Variants in COL6A2 observed in about 807,000 individuals in gnomAD.
COL6A2 encodes collagen alpha-2(VI) chain.
COL6A2 carries 90 observed loss-of-function variants against 124.9 expected under a neutral mutation model. The observed-to-expected ratio is 0.72, with a 90% CI of 0.61 to 0.86. The LOEUF (loss-of-function observed/expected upper bound fraction) is 0.86, where lower values mean the gene tolerates loss of function less well. Among genes scored for constraint, COL6A2 ranks in the 40% least tolerant of loss-of-function variants. The pLI is 0.00. For synonymous variants in COL6A2, 793 were observed against 618.2 expected, an observed-to-expected ratio of 1.28 and a Z score of -4.19; for missense variants, 1,607 against 1,502.5, an observed-to-expected ratio of 1.07 and a Z score of -1.15.
chr21:46,117,312 C>T (rs988283033), intron 10 of COL6A2, 88 bp from the exon 11 acceptor site: 94 of 1,340,274 alleles, frequency 7.0e-5, no homozygotes, highest in Non-Finnish European at 9.8e-5. Context: ...CCCTGCGGGG[C>T]AGAACCGGGT....
At chr21:46,103,690 C>T (rs892672946) in intron 1 of COL6A2, among the ~76,000 whole-genome samples, 15 of 152,134 alleles carry the variant, frequency 9.9e-5, no homozygotes, top group South Asian at 4.1e-4. Flanking sequence ...TGTTTAATTT[C>T]GTGATTTTTT....
rs1261426511 is a variant in COL6A2 at position 46,132,724 on chromosome 21, C to T, written c.*172C>T. The T allele has an allele frequency of 1.9e-5, 13 of 670,596 alleles. No individual in the cohort carries two copies. The highest frequency in any genetic ancestry group is 7.8e-5 in the Admixed American group (3 of 38,464). The allele number at this position is 670,596 out of a possible 1,614,324, so 41.5% of individuals were successfully genotyped here. A position where few individuals can be genotyped will look rare whatever the true frequency, so the allele number is the denominator to read the frequency against. ...CGTAGCCCCGGCCCCCGCCCAGCCCCAGGTCTCCCCAGGCCCTCCGCAGGC... is the reference window on the plus strand; with the variant it reads ...CGTAGCCCCGGCCCCCGCCCAGCCCTAGGTCTCCCCAGGCCCTCCGCAGGC... On this transcript the variant is annotated 3_prime_UTR_variant, in exon 28 of 28. Coordinates refer to ENST00000300527, the MANE Select transcript of COL6A2 (RefSeq NM_001849.4).
chr21:46,116,674 C>T lies in COL6A2; in HGVS notation c.951C>T (p.Arg317=), dbSNP rs369190399. Residue 317 remains arginine, a synonymous_variant, in exon 9 of 28, where the codon CGC becomes CGT. Coordinates refer to ENST00000300527, the MANE Select transcript of COL6A2 (RefSeq NM_001849.4). The surrounding 1 kb of genome is among the most constrained non-coding windows in gnomAD (Gnocchi z 4.6). ...GEKGEFGADG[R]KGAPGLAGKN... ...AGGGTGAATTTGGAGCCGACGGTCG[C>T]AAGGTAGGCTGGCTGGGTAGGCAGA... 5.0e-6 allele frequency: 8 copies of T among 1,612,970 alleles called. No individual in the cohort carries two copies. In the East Asian group the frequency reaches 6.7e-5, roughly 13 times the overall value.
At chr21:46,118,491 G>A in intron 12 of COL6A2, 123 bp from the exon 13 acceptor site, 3 of 869,932 alleles carry the variant, frequency 3.4e-6, no homozygotes, top group Admixed American at 2.0e-5. Flanking sequence ...CATCCCAGGT[G>A]CCCCGTGGAC....
Position 46,115,925 on chromosome 21 carries a change from G to A in COL6A2, c.855G>A (p.Gln285=), listed in dbSNP as rs1252549456. Residue 285 remains glutamine (Q), a splice_region_variant and synonymous_variant, in exon 6 of 28, where the codon CAG becomes CAA. Transcript: ENST00000300527. ...GAGAGCCTGGCCAGAAGGGAAGACA[G>A]GTGAGTGTCCTTGCCCCACGCCCGC... is the stretch of plus-strand genomic sequence containing the variant. The part of the protein sequence containing the change: ...EPGEPGQKGR[Q]GDPGIEGPIG... 2 of 1,612,924 alleles carry A rather than the reference G, an allele frequency of 1.2e-6. No homozygotes were observed. The highest frequency in any genetic ancestry group is 1.7e-6 in the Non-Finnish European group (2 of 1,180,000).
intron 1 of COL6A2, among the ~76,000 whole-genome samples, chr21:46,106,781 C>T (rs938569736): frequency 1.3e-5 from 2 of 152,160 alleles, no homozygotes; most frequent in Admixed American, 6.5e-5. Flanking sequence ...GTTCCAGCAC[C>T]AAAACCAAAA....
chr21:46,119,602 G>T (rs1248576751), intron 14 of COL6A2, among the ~76,000 whole-genome samples, 186 bp from the exon 15 acceptor site: 1 of 152,208 alleles, frequency 6.6e-6, no homozygotes, highest in African/African-American at 2.4e-5. Context: ...AGGGACGAGG[G>T]CTGGCAGCAG....
chr21:46,127,101 G>A (rs2078682828), intron 27 of COL6A2, among the ~76,000 whole-genome samples: 1 of 152,166 alleles, frequency 6.6e-6, no homozygotes, highest in African/African-American at 2.4e-5. Flanking sequence ...AGGCTCTGCT[G>A]GACGTGGTGC....
rs1414442802 is a variant in COL6A2 at position 46,120,504 on chromosome 21, C to T, written c.1333-11C>T. The stretch of plus-strand genomic sequence containing the variant: ...GCTGAGACCCGTGGGGCCTCCCTTC[C>T]CTTCCCACAGGGGGACCCTGGCCCT... On this transcript the variant is annotated splice_polypyrimidine_tract_variant and intron_variant, in intron 15 of 27. Coordinates refer to ENST00000300527, the MANE Select transcript of COL6A2 (RefSeq NM_001849.4). 1 of 1,522,088 alleles carries T rather than the reference C, an allele frequency of 6.6e-7. No homozygotes were observed. Among genetic ancestry groups the T allele is most frequent in the Non-Finnish European group, 8.8e-7 (1 of 1,136,186 alleles). 94.3% of individuals were successfully genotyped at this position (1,522,088 alleles called of 1,614,324 possible).
chr21:46,108,752 A>T (rs1393293609), intron 1 of COL6A2, among the ~76,000 whole-genome samples: 1 of 152,172 alleles, frequency 6.6e-6, no homozygotes, highest in African/African-American at 2.4e-5. Context: ...GGTCCTTAAT[A>T]TGCTATTGGA....
At chr21:46,101,376 GA>G (rs1293956252) in intron 1 of COL6A2, among the ~76,000 whole-genome samples, 1 of 152,088 alleles carries the variant, frequency 6.6e-6, no homozygotes, top group Non-Finnish European at 1.5e-5. Context: ...CTCTGTTAAT[GA>G]TGTCCTTTCA....
At position 46,111,409 on chromosome 21, in the gene COL6A2, A is replaced by C. The variant is rs563691311; in HGVS notation, c.-27-41A>C. 2.1e-5 allele frequency: 24 copies of C among 1,159,020 alleles called. No individual in the cohort carries two copies. In the East Asian group the frequency reaches 5.5e-4, roughly 27 times the overall value. 71.8% of individuals were successfully genotyped at this position (1,159,020 alleles called of 1,614,324 possible). On this transcript the variant is annotated intron_variant, in intron 1 of 27. Transcript: ENST00000300527. ...GCCATGGGGGAGGGTGCCAGGGGAG[A>C]GGCACTGGGGGTGTCTGAGCGACCC...
chr21:46,130,305 G>A (rs192018612), intron 27 of COL6A2, among the ~76,000 whole-genome samples: 2 of 152,366 alleles, frequency 1.3e-5, no homozygotes, highest in Non-Finnish European at 2.9e-5. Context: ...GGTCCTCAGA[G>A]GACTGAGCAG....
In COL6A2 at chr21:46,106,216, C is replaced by G. The variant is rs538918593; in HGVS notation, c.-27-5234C>G. On this transcript the variant is annotated intron_variant, in intron 1 of 27. Coordinates refer to ENST00000300527, the MANE Select transcript of COL6A2 (RefSeq NM_001849.4). Reference sequence around the variant, plus strand: ...AATATTTATGCACCTAATAACAGTCCATCAAAATATTTATATCTTACACTG... The same window carrying G: ...AATATTTATGCACCTAATAACAGTCGATCAAAATATTTATATCTTACACTG... Among the ~76,000 whole-genome samples the G allele has an allele frequency of 6.6e-5, 10 of 152,208 alleles. No individual in the cohort carries two copies. In the South Asian group the frequency reaches 1.7e-3, roughly 25 times the overall value.
chr21:46,129,269 C>T, intron 27 of COL6A2: 2 of 1,612,954 alleles, frequency 1.2e-6, no homozygotes, highest in Non-Finnish European at 1.7e-6. Flanking sequence ...CCACCTTCCC[C>T]AGGACCATTC....
Position 46,121,574 on chromosome 21 carries a change from G to A in COL6A2, c.1477G>A (p.Gly493Ser), listed in dbSNP as rs553174831. 14 of 1,612,838 alleles carry A rather than the reference G, an allele frequency of 8.7e-6. No individual in the cohort carries two copies. The Admixed American group carries it at 1.0e-4, about 12-fold the overall frequency. ...CCCTCAGGGATCTCGGGGAGACCCC[G>A]GTGATGCAGGACCCCGTGGAGACTC... ...PGKQGSRGDPGDAGPRGDSGQ... is the reference protein window; with the variant it reads ...PGKQGSRGDPSDAGPRGDSGQ... The change falls in exon 18 of 28, where the codon GGT becomes AGT. Residue 493 changes from glycine to serine, a missense_variant. Coordinates refer to ENST00000300527, the MANE Select transcript of COL6A2 (RefSeq NM_001849.4).
intron 1 of COL6A2, among the ~76,000 whole-genome samples, chr21:46,106,477 T>C (rs1255063842): frequency 6.6e-6 from 1 of 152,220 alleles, no homozygotes; most frequent in Non-Finnish European, 1.5e-5. Flanking sequence ...ATAAGTCCAA[T>C]TGTGAATGTT....
At chr21:46,121,149 G>A (rs1396507157) in intron 17 of COL6A2, 26 bp downstream of exon 17, 5 of 1,610,600 alleles carry the variant, frequency 3.1e-6, no homozygotes, top group Middle Eastern at 1.6e-4. Flanking sequence ...GGAGGCCGGT[G>A]CCCTCTGACC....
In COL6A2 at chr21:46,132,232, T is replaced by G; in HGVS notation, c.2740T>G (p.Phe914Val). Residue 914 changes from phenylalanine (F) to valine (V), a missense_variant, in exon 28 of 28, where the codon TTC (phenylalanine) becomes GTC (valine). Around this residue, in one of 3 missense-constraint regions of COL6A2, gnomAD observed 1,223 missense variants for 1,052.2 expected, o/e 1.16. Coordinates refer to ENST00000300527, the MANE Select transcript of COL6A2 (RefSeq NM_001849.4). ...ALETTQYLNS[F>V]SHVGAGVVHA... ...GGAGACCACACAATACCTGAACTCC[T>G]TCTCGCACGTGGGCGCAGGCGTGGT... is the stretch of plus-strand genomic sequence containing the variant. 1 of 1,599,442 alleles carries G rather than the reference T, an allele frequency of 6.3e-7. No individual in the cohort carries two copies. The highest frequency in any genetic ancestry group is 2.3e-5 in the East Asian group (1 of 44,068).
Sources: allele counts gnomAD v4.1 joint callset (sites outside exome capture counted in the v4.1 genomes callset), GRCh38; gene constraint gnomAD v4.1.1; regional missense constraint gnomAD v4.1.1; non-coding constraint Gnocchi (gnomAD v3.1); transcripts MANE v1.5; gene names NCBI Gene and HGNC (gene_info 2026-07-23, HGNC 2026-07-21).